Variants in MTMR12 observed in about 807,000 individuals in gnomAD.
MTMR12 encodes the protein myotubularin related protein 12, also known as myotubularin-related protein 12.
A neutral mutation model predicts 96.7 loss-of-function variants in MTMR12; 33 were observed. The ratio of observed to expected loss-of-function variants is 0.34; its 90% CI spans 0.26 to 0.46. MTMR12 has a LOEUF of 0.46. Among genes scored for constraint, MTMR12 ranks in the 20% least tolerant of loss-of-function variants. The pLI is 1.00. For synonymous variants in MTMR12, 298 were observed against 327.2 expected (o/e 0.91, Z 0.96); for missense variants, 721 against 896.1 (o/e 0.80, Z 2.49).
intron 2 of MTMR12, among the ~76,000 whole-genome samples, chr5:32,275,332 GAA>G (rs1193617327): frequency 6.6e-6 from 1 of 152,164 alleles, no homozygotes; most frequent in African/African-American, 2.4e-5. Context: ...AATAGTCCCA[GAA>G]AAAGTGTCTC....
intron 11 of MTMR12, among the ~76,000 whole-genome samples, chr5:32,243,284 G>A (rs1048533991): frequency 6.6e-6 from 1 of 152,216 alleles, no homozygotes; most frequent in African/African-American, 2.4e-5. Context: ...CACTCTTTCT[G>A]TGTTTTTTCA....
intron 1 of MTMR12, chr5:32,309,718 T>C (rs1350330305): frequency 6.6e-6 from 1 of 152,144 alleles, no homozygotes; most frequent in Non-Finnish European, 1.5e-5. Context: ...AAGATTAGCA[T>C]GGCCCCTGCG....
chr5:32,242,211 C>A, intron 11 of MTMR12, 84 bp from the exon 12 acceptor site: 3 of 881,768 alleles, frequency 3.4e-6, no homozygotes, highest in Non-Finnish European at 5.2e-6. Flanking sequence ...GAGAGTCTGA[C>A]TTGATCTTCA....
intron 9 of MTMR12, among the ~76,000 whole-genome samples, 183 bp downstream of exon 9, chr5:32,248,589 A>G (rs533854882): frequency 1.3e-5 from 2 of 152,244 alleles, no homozygotes; most frequent in African/African-American, 4.8e-5. Flanking sequence ...CGCAGGTGAC[A>G]CTCTTAATTA....
chr5:32,233,104 T>C lies in MTMR12; in HGVS notation c.1674+669A>G. ...ATGACTTTCTGACATTTGTGGCTCA[T>C]AGCATAGGTCAGCAAACTGGCCACC... On this transcript the variant is annotated intron_variant, in intron 15 of 15. Coordinates refer to ENST00000382142, the MANE Select transcript of MTMR12 (RefSeq NM_001040446.3). This position sits in a 1 kb window ranked among gnomAD's most constrained non-coding sequence, Gnocchi z 5.0. The C allele has an allele frequency of 1.2e-6, 1 of 835,380 alleles. No individual in the cohort carries two copies. The highest frequency in any genetic ancestry group is 5.5e-5 in the South Asian group (1 of 18,230). 51.7% of individuals were successfully genotyped at this position (835,380 alleles called of 1,614,324 possible).
chr5:32,269,606 A>T (rs1001109880), intron 5 of MTMR12, among the ~76,000 whole-genome samples: 3 of 152,162 alleles, frequency 2.0e-5, no homozygotes, highest in Non-Finnish European at 2.9e-5. Flanking sequence ...TGCCCAGCCC[A>T]GTGTGTCAGG....
rs752327449 is a variant in MTMR12 at position 32,233,473 on chromosome 5, A to AACACACAC, written c.1674+292_1674+299dup. ...CTCTACTAACACACACACACACACAAACACACACACACACACACACACACA... is the reference window on the plus strand; with the variant it reads ...CTCTACTAACACACACACACACACAAACACACACACACACACACACACACACACACACA... On this transcript the variant is annotated intron_variant, in intron 15 of 15. Coordinates refer to ENST00000382142, the MANE Select transcript of MTMR12 (RefSeq NM_001040446.3). This position sits in a 1 kb window ranked among gnomAD's most constrained non-coding sequence, Gnocchi z 5.0. Among the ~76,000 whole-genome samples the AACACACAC allele has an allele frequency of 1.7e-5, 1 of 59,934 alleles. No individual in the cohort carries two copies. The highest frequency in any genetic ancestry group is 4.6e-5 in the African/African-American group (1 of 21,724). 39.3% of individuals were successfully genotyped at this position (59,934 alleles called of 152,430 possible).
chr5:32,294,571 G>A (rs1750856673), intron 1 of MTMR12, among the ~76,000 whole-genome samples: 1 of 152,088 alleles, frequency 6.6e-6, no homozygotes. Context: ...AAAGTGCTGA[G>A]ATTACAGGTG....
chr5:32,239,286 A>C lies in MTMR12; in HGVS notation c.1172-113T>G, dbSNP rs1385139064. ...AGTAGGATTCCCAACACCAAGGTCT[A>C]CTATTAACAGTCATGTTCTTATTCC... On this transcript the variant is annotated intron_variant, in intron 12 of 15. Transcript: ENST00000382142. 3 of 1,098,000 alleles carry C rather than the reference A, an allele frequency of 2.7e-6. No homozygotes were observed. In the East Asian group the frequency reaches 8.0e-5, roughly 29 times the overall value. 68.0% of individuals were successfully genotyped at this position (1,098,000 alleles called of 1,614,324 possible). A position where few individuals can be genotyped will look rare whatever the true frequency, so the allele number is the denominator to read the frequency against.
intron 11 of MTMR12, among the ~76,000 whole-genome samples, chr5:32,243,202 A>G (rs987397816): frequency 6.6e-6 from 1 of 152,128 alleles, no homozygotes; most frequent in Non-Finnish European, 1.5e-5. Context: ...AGTCAGTATC[A>G]CTCCTGTTCT....
chr5:32,304,276 C>T (rs989396085), intron 1 of MTMR12, among the ~76,000 whole-genome samples: 3 of 151,662 alleles, frequency 2.0e-5, no homozygotes, highest in African/African-American at 4.8e-5. Flanking sequence ...GCCAAGATCG[C>T]GCCATTACAC....
intron 12 of MTMR12, 63 bp from the exon 13 acceptor site, chr5:32,239,236 G>A: frequency 6.8e-7 from 1 of 1,464,494 alleles, no homozygotes; most frequent in Non-Finnish European, 9.1e-7. Flanking sequence ...AAAAGTTTCA[G>A]AATGCTCTCA....
Position 32,234,946 on chromosome 5 carries a change from T to C in MTMR12, c.1512+16A>G, listed in dbSNP as rs1748154252. ...GAAGCCTCTTTAATACACAGGTTCCTAAGAGGGACTCTTACCATGTTAGTA... is the reference window on the plus strand; with the variant it reads ...GAAGCCTCTTTAATACACAGGTTCCCAAGAGGGACTCTTACCATGTTAGTA... On this transcript the variant is annotated intron_variant, in intron 14 of 15. Coordinates refer to ENST00000382142, the MANE Select transcript of MTMR12 (RefSeq NM_001040446.3). The C allele has an allele frequency of 1.9e-6, 3 of 1,601,538 alleles. No individual in the cohort carries two copies. The highest frequency in any genetic ancestry group is 2.6e-6 in the Non-Finnish European group (3 of 1,170,400).
At chr5:32,274,956 G>T (rs576499182) in intron 2 of MTMR12, among the ~76,000 whole-genome samples, 1 of 151,942 alleles carries the variant, frequency 6.6e-6, no homozygotes, top group Admixed American at 6.6e-5. Flanking sequence ...AGAAGACTAT[G>T]GGGGAAATGA....
Position 32,249,983 on chromosome 5 carries a change from A to G in MTMR12, c.790-1105T>C, listed in dbSNP as rs560878298. ...CTGGGCTCAAAGATAAACCTGGAGG[A>G]AAGACCTTTTATAATTCGGCTTCCC... is the stretch of plus-strand genomic sequence containing the variant. On this transcript the variant is annotated intron_variant, in intron 8 of 15. Transcript: ENST00000382142. Among the ~76,000 whole-genome samples the G allele has an allele frequency of 3.9e-5, 6 of 152,306 alleles. No individual in the cohort carries two copies. The South Asian group carries it at 1.2e-3, about 32-fold the overall frequency.
chr5:32,271,859 A>G lies in MTMR12; in HGVS notation c.332T>C (p.Leu111Pro). Reference protein sequence around the residue: ...NKVIGENDITLHCVDQIYGVF... With the variant: ...NKVIGENDITPHCVDQIYGVF... The stretch of plus-strand genomic sequence containing the variant: ...TCCATAAATCTGATCAACACAGTGG[A>G]GTGTAATGTCATTTTCTCCTATAAC... Residue 111 changes from leucine to proline, a missense_variant, in exon 4 of 16, where the codon CTC becomes CCC. Leu to Pro is a moderately conservative substitution (Grantham distance 98). Transcript: ENST00000382142. The G allele has an allele frequency of 6.3e-7, 1 of 1,586,910 alleles. No individual in the cohort carries two copies. The highest frequency in any genetic ancestry group is 8.6e-7 in the Non-Finnish European group (1 of 1,162,570).
intron 9 of MTMR12, 126 bp from the exon 10 acceptor site, chr5:32,248,252 G>T: frequency 9.4e-7 from 1 of 1,060,704 alleles, no homozygotes; most frequent in Non-Finnish European, 1.3e-6. Context: ...CACCTACCAG[G>T]CAATTGCTGC....
intron 10 of MTMR12, among the ~76,000 whole-genome samples, chr5:32,243,832 T>C (rs939456651): frequency 6.6e-6 from 1 of 152,236 alleles, no homozygotes; most frequent in African/African-American, 2.4e-5. Flanking sequence ...TCTTTATTGC[T>C]GAAATAAGAA....
intron 7 of MTMR12, among the ~76,000 whole-genome samples, chr5:32,260,218 G>A (rs1749308828): frequency 6.6e-6 from 1 of 151,490 alleles, no homozygotes; most frequent in African/African-American, 2.4e-5. Context: ...AAACCATGAA[G>A]GGCCTTGAGA....
Sources: gnomAD v4.1 joint callset for allele counts (sites outside exome capture counted in the v4.1 genomes callset) on GRCh38, gnomAD v4.1.1 for gene constraint, Gnocchi (gnomAD v3.1) non-coding constraint, MANE v1.5 for transcripts, NCBI Gene and HGNC (gene_info 2026-07-23, HGNC 2026-07-21) for gene names.